GRIN2D: variants seen among roughly 807,000 people sequenced by gnomAD.
GRIN2D encodes glutamate receptor ionotropic, NMDA 2D.
In GRIN2D, 37 loss-of-function variants were observed where a neutral mutation model predicts 103.2. The observed-to-expected ratio is 0.36, with a 90% CI of 0.28 to 0.47. The LOEUF (loss-of-function observed/expected upper bound fraction) is 0.47. GRIN2D is among the 20% of genes least tolerant of loss of function. The pLI is 1.00. For synonymous variants in GRIN2D, 845 were observed against 885.6 expected, an observed-to-expected ratio of 0.95 and a Z score of 0.81; for missense variants, 1,557 against 1,910.6, an observed-to-expected ratio of 0.81 and a Z score of 3.45.
At position 48,395,673 on chromosome 19, in the gene GRIN2D, G is replaced by A. The variant is rs980025165; in HGVS notation, c.-27+737G>A. ...TTCTGGCACCCTCCTCCTCCTCCCC[G>A]CTTGGGGACAGGCTGTGCTATGTAC... is the stretch of plus-strand genomic sequence containing the variant. On this transcript the variant is annotated intron_variant, in intron 2 of 13. Transcript: ENST00000263269. 2.6e-5 allele frequency among the ~76,000 whole-genome samples: 4 copies of A among 152,012 alleles called. No homozygotes were observed. The South Asian group carries it at 6.2e-4, about 24-fold the overall frequency.
intron 4 of GRIN2D, among the ~76,000 whole-genome samples, chr19:48,406,352 C>T (rs557031673): frequency 2.6e-5 from 4 of 152,214 alleles, no homozygotes; most frequent in East Asian, 1.9e-4. Flanking sequence ...TTAGAAGAGG[C>T]GAACAGAGTT....
Position 48,410,065 on chromosome 19 carries a change from G to A in GRIN2D, c.1086-3926G>A, listed in dbSNP as rs556053890. ...CTCCCAAAGTGCTGGGATTACAGGC[G>A]TGAACCACTGCGCCCAGCCTGGACT... is the stretch of plus-strand genomic sequence containing the variant. On this transcript the variant is annotated intron_variant, in intron 4 of 13. Coordinates refer to ENST00000263269, the MANE Select transcript of GRIN2D (RefSeq NM_000836.4). Among the ~76,000 whole-genome samples the A allele has an allele frequency of 2.0e-5, 3 of 151,728 alleles. No individual in the cohort carries two copies. The East Asian group carries it at 5.9e-4, about 30-fold the overall frequency.
At chr19:48,412,539 G>A (rs1407662675) in intron 4 of GRIN2D, among the ~76,000 whole-genome samples, 3 of 151,982 alleles carry the variant, frequency 2.0e-5, no homozygotes, top group Non-Finnish European at 4.4e-5. Flanking sequence ...TGTAATCCCA[G>A]CCCTTTGGGA....
chr19:48,394,724 G>C lies in GRIN2D; in HGVS notation c.-239G>C, dbSNP rs1970615556. 1.3e-5 allele frequency among the ~76,000 whole-genome samples: 2 copies of C among 152,308 alleles called. No homozygotes were observed. Among genetic ancestry groups the C allele is most frequent in the Non-Finnish European group, 1.5e-5 (1 of 68,008 alleles). On this transcript the variant is annotated 5_prime_UTR_variant, in exon 2 of 14. Coordinates refer to ENST00000263269, the MANE Select transcript of GRIN2D (RefSeq NM_000836.4). The surrounding 1 kb of genome is among the most constrained non-coding windows in gnomAD (Gnocchi z 5.1). ...GCAACCTTGGGGGAGAGACAGGGCAGGACAGGACCAAGGAAGAGGAAGGAG... is the reference window on the plus strand; with the variant it reads ...GCAACCTTGGGGGAGAGACAGGGCACGACAGGACCAAGGAAGAGGAAGGAG...
intron 3 of GRIN2D, among the ~76,000 whole-genome samples, chr19:48,399,522 C>A (rs930928969): frequency 2.0e-5 from 3 of 152,130 alleles, no homozygotes; most frequent in Non-Finnish European, 4.4e-5. Flanking sequence ...GAGCCGAGAT[C>A]GTGCCACTGC....
rs1049363525 is a variant in GRIN2D, at chr19:48,394,239, A to T, written c.-306+371A>T. Among the ~76,000 whole-genome samples the T allele has an allele frequency of 2.0e-5, 3 of 151,610 alleles. No homozygotes were observed. The highest frequency in any genetic ancestry group is 4.4e-5 in the Non-Finnish European group (3 of 67,900). The stretch of plus-strand genomic sequence containing the variant: ...CAAGCTCTGGGGGTGTTGAGGGGGA[A>T]TCCCAGGGAAGTGAGATCGTGCGTG... On this transcript the variant is annotated intron_variant, in intron 1 of 13. Transcript: ENST00000263269. This position sits in a 1 kb window ranked among gnomAD's most constrained non-coding sequence, Gnocchi z 5.1.
Position 48,442,395 on chromosome 19 carries a change from G to C in GRIN2D, c.2673+13G>C. 2 of 1,599,538 alleles carry C rather than the reference G, an allele frequency of 1.3e-6. No individual in the cohort carries two copies. The highest frequency in any genetic ancestry group is 1.7e-4 in the Middle Eastern group (1 of 6,048). On this transcript the variant is annotated intron_variant, in intron 13 of 13. Coordinates refer to ENST00000263269, the MANE Select transcript of GRIN2D (RefSeq NM_000836.4). This position sits in a 1 kb window ranked among gnomAD's most constrained non-coding sequence, Gnocchi z 7.2. The stretch of plus-strand genomic sequence containing the variant: ...GGCCTTCTCCAGGGTATGGGGCAGA[G>C]AGGGAGGCAGAGAGGGGGAGATGGC...
Position 48,421,412 on chromosome 19 carries a change from G to C in GRIN2D, c.2092-373G>C, listed in dbSNP as rs1468869630. On this transcript the variant is annotated intron_variant, in intron 10 of 13. Transcript: ENST00000263269. This position sits in a 1 kb window ranked among gnomAD's most constrained non-coding sequence, Gnocchi z 4.8. ...CATTGCACTCCAGCCTGGGCAACAA[G>C]AGCAAGACTCCGTTTAAAAAAAAAA... Among the ~76,000 whole-genome samples, 1 of 140,236 alleles carries C rather than the reference G, an allele frequency of 7.1e-6. No individual in the cohort carries two copies. The highest frequency in any genetic ancestry group is 1.5e-5 in the Non-Finnish European group (1 of 66,432). 92.0% of individuals were successfully genotyped at this position (140,236 alleles called of 152,430 possible). A position where few individuals can be genotyped will look rare whatever the true frequency, so the allele number is the denominator to read the frequency against.
rs1403954203 is a variant in GRIN2D at position 48,393,865 on chromosome 19, C to T, written c.-309C>T. ...GGGTCTCTCGAGCGTCTGCCATCTG[C>T]CCGGTGAGGATCTGTGTGTCCGGGT... On this transcript the variant is annotated 5_prime_UTR_variant, in exon 1 of 14. Transcript: ENST00000263269. The surrounding 1 kb of genome is among the most constrained non-coding windows in gnomAD (Gnocchi z 5.6). 6.6e-6 allele frequency among the ~76,000 whole-genome samples: 1 copy of T among 151,972 alleles called. No homozygotes were observed. Among genetic ancestry groups the T allele is most frequent in the Non-Finnish European group, 1.5e-5 (1 of 67,954 alleles).
Position 48,441,789 on chromosome 19 carries a change from AC to A in GRIN2D, c.2274del (p.Tyr758Ter). On this transcript the variant is annotated frameshift_variant, in exon 12 of 14. Transcript: ENST00000263269. LOFTEE classifies it high-confidence loss of function. ...CCCAGGAAGCTGGACGCCTTCATCT[AC>A]GATGCTGCAGTGCTCAATTACATGG... ...LKAGKLDAFIYDAAVLNYMAR... is the reference protein window; with the variant it reads ...LKAGKLDAFIXDAAVLNYMAR... 6.2e-7 allele frequency: 1 copy of A among 1,612,238 alleles called. No homozygotes were observed.
In GRIN2D at chr19:48,394,460, T is replaced by TG. The variant is rs934981648; in HGVS notation, c.-305-191dup. Among the ~76,000 whole-genome samples the TG allele has an allele frequency of 2.5e-4, 5 of 20,400 alleles. No individual in the cohort carries two copies. Among genetic ancestry groups the TG allele is most frequent in the African/African-American group, 9.1e-4 (5 of 5,478 alleles). The allele number at this position is 20,400 out of a possible 152,430, so 13.4% of individuals were successfully genotyped here. A position where few individuals can be genotyped will look rare whatever the true frequency, so the allele number is the denominator to read the frequency against. On this transcript the variant is annotated intron_variant, in intron 1 of 13. Transcript: ENST00000263269. The surrounding 1 kb of genome is among the most constrained non-coding windows in gnomAD (Gnocchi z 5.1). ...TAGACACAGACGCTGGAAGGGGGGG[T>TG]GGGGGGGCTGAGGGCACAAAGCGGG...
At chr19:48,396,011 C>T (rs1197192087) in intron 2 of GRIN2D, among the ~76,000 whole-genome samples, 1 of 151,938 alleles carries the variant, frequency 6.6e-6, no homozygotes, top group Non-Finnish European at 1.5e-5. Flanking sequence ...CAGAAGGACT[C>T]CTGGGTCTTT....
chr19:48,412,434 AAAGAAAG>A (rs1970878034), intron 4 of GRIN2D, among the ~76,000 whole-genome samples: 2 of 128,846 alleles, frequency 1.6e-5, no homozygotes, highest in African/African-American at 6.6e-5. Context: ...AGAAAGAAAG[AAAGAAAG>A]AAAGAAAGAA....
chr19:48,398,634 G>C lies in GRIN2D; in HGVS notation c.242G>C (p.Gly81Ala). The C allele has an allele frequency of 7.1e-7, 1 of 1,412,746 alleles. No individual in the cohort carries two copies. The highest frequency in any genetic ancestry group is 9.2e-7 in the Non-Finnish European group (1 of 1,081,930). 87.5% of individuals were successfully genotyped at this position (1,412,746 alleles called of 1,614,324 possible). A position where few individuals can be genotyped will look rare whatever the true frequency, so the allele number is the denominator to read the frequency against. ...PAVAAAVRSPGLDVRPVALVL... is the reference protein window; with the variant it reads ...PAVAAAVRSPALDVRPVALVL... The stretch of plus-strand genomic sequence containing the variant: ...GTGGCGGCGGCGGTGCGCAGCCCGG[G>C]CCTAGACGTGCGGCCCGTGGCGCTG... The change falls in exon 3 of 14, where the codon GGC becomes GCC. Residue 81 changes from glycine (G) to alanine (A), a missense_variant. Transcript: ENST00000263269.
At chr19:48,400,106 G>C (rs1741988710) in intron 3 of GRIN2D, among the ~76,000 whole-genome samples, 1 of 152,214 alleles carries the variant, frequency 6.6e-6, no homozygotes, top group African/African-American at 2.4e-5. Flanking sequence ...GTAGAGGCTG[G>C]AGCTGGCCAG....
chr19:48,437,311 G>A (rs1401410479), intron 11 of GRIN2D, among the ~76,000 whole-genome samples: 8 of 152,000 alleles, frequency 5.3e-5, no homozygotes, highest in Non-Finnish European at 1.5e-5. Flanking sequence ...TGTAGAGACA[G>A]GTCTCCCTTT....
intron 7 of GRIN2D, 56 bp downstream of exon 7, chr19:48,415,088 C>T: frequency 6.8e-7 from 1 of 1,477,596 alleles, no homozygotes; most frequent in Admixed American, 2.0e-5. Flanking sequence ...GAGGCGGGCA[C>T]AGCCGGGCGT....
chr19:48,396,052 C>T (rs1441624164), intron 2 of GRIN2D, among the ~76,000 whole-genome samples: 1 of 152,092 alleles, frequency 6.6e-6, no homozygotes, highest in Non-Finnish European at 1.5e-5. Context: ...GCGCTTCCGT[C>T]TGAGGAAGGC....
chr19:48,421,875 G>A lies in GRIN2D; in HGVS notation c.2182G>A (p.Asp728Asn), dbSNP rs752367785. 3.7e-6 allele frequency: 6 copies of A among 1,613,966 alleles called. No homozygotes were observed. In the Admixed American group the frequency reaches 8.3e-5, roughly 22 times the overall value. The change falls in exon 11 of 14, where the codon GAC becomes AAC. Residue 728 changes from aspartate to asparagine, a missense_variant. This residue lies in a region of GRIN2D where 138 missense variants were observed against 270.2 expected (regional missense o/e 0.51). Transcript: ENST00000263269. The surrounding 1 kb of genome is among the most constrained non-coding windows in gnomAD (Gnocchi z 4.8). ...GAAGAACATCCGCAGCAACTATCCC[G>A]ACATGCACAGCTACATGGTGCGCTA... ...TEKNIRSNYP[D>N]MHSYMVRYNQ...
Sources: gnomAD v4.1 joint callset for allele counts (sites outside exome capture counted in the v4.1 genomes callset) on GRCh38, gnomAD v4.1.1 for gene constraint, gnomAD v4.1.1 regional missense constraint, Gnocchi (gnomAD v3.1) non-coding constraint, MANE v1.5 for transcripts, NCBI Gene and HGNC (gene_info 2026-07-23, HGNC 2026-07-21) for gene names.